Variants in MAP3K19 observed in about 807,000 individuals in gnomAD.
MAP3K19 encodes the protein mitogen-activated protein kinase kinase kinase 19.
MAP3K19 carries 91 observed loss-of-function variants against 114.4 expected under a neutral mutation model. The ratio of observed to expected loss-of-function variants is 0.80; its 90% CI spans 0.67 to 0.95. The LOEUF (loss-of-function observed/expected upper bound fraction) is 0.95. Ranked by LOEUF, MAP3K19 falls within the 40% of genes least tolerant of loss-of-function variation. The probability of loss-of-function intolerance (pLI) is 0.00; values close to 1 mark genes in which losing one functional copy is unlikely to be tolerated. For missense variants in MAP3K19, 1,471 were observed against 1,573.2 expected, an observed-to-expected ratio of 0.94 and a Z score of 1.10; for synonymous variants, 518 against 530.5, an observed-to-expected ratio of 0.98 and a Z score of 0.32.
chr2:134,991,097 C>G (rs533278359), intron 9 of MAP3K19, among the ~76,000 whole-genome samples: 1 of 151,712 alleles, frequency 6.6e-6, no homozygotes, highest in Non-Finnish European at 1.5e-5. Context: ...GTCAGGAGAT[C>G]GAGACCATCC....
intron 12 of MAP3K19, among the ~76,000 whole-genome samples, chr2:134,973,438 C>T (rs1055158370): frequency 1.3e-5 from 2 of 152,128 alleles, no homozygotes; most frequent in East Asian, 1.9e-4. Context: ...TATAGCTACT[C>T]ATGCTCTCTA....
intron 12 of MAP3K19, among the ~76,000 whole-genome samples, chr2:134,975,434 G>A (rs1295520039): frequency 6.6e-6 from 1 of 152,156 alleles, no homozygotes; most frequent in Admixed American, 6.5e-5. Flanking sequence ...CAGGCAATGT[G>A]CTCAGACACC....
At chr2:135,042,794 G>T (rs1688672144) in intron 1 of MAP3K19, among the ~76,000 whole-genome samples, 1 of 151,530 alleles carries the variant, frequency 6.6e-6, no homozygotes, top group Admixed American at 6.6e-5. Flanking sequence ...ACAAAAATTT[G>T]AATGTGGCTG....
intron 4 of MAP3K19, among the ~76,000 whole-genome samples, chr2:135,022,397 T>C (rs2105372823): frequency 6.6e-6 from 1 of 152,298 alleles, no homozygotes; most frequent in South Asian, 2.1e-4. Context: ...CTGTCTTCCA[T>C]GTTTCCTGAG....
chr2:135,014,717 C>T (rs989860145), intron 5 of MAP3K19, among the ~76,000 whole-genome samples: 3 of 152,184 alleles, frequency 2.0e-5, no homozygotes, highest in African/African-American at 4.8e-5. Context: ...CATGCAAGTG[C>T]TATTCTGAAT....
chr2:134,973,810 G>C (rs1406948607), intron 12 of MAP3K19, among the ~76,000 whole-genome samples: 3 of 152,122 alleles, frequency 2.0e-5, no homozygotes, highest in Non-Finnish European at 4.4e-5. Flanking sequence ...CATGATGATA[G>C]ATATGACCTT....
chr2:134,993,286 A>G (rs1685742397), intron 8 of MAP3K19, among the ~76,000 whole-genome samples: 1 of 152,314 alleles, frequency 6.6e-6, no homozygotes, highest in South Asian at 2.1e-4. Context: ...GACTTCTAAG[A>G]TTTAACACAG....
intron 1 of MAP3K19, among the ~76,000 whole-genome samples, chr2:135,045,048 A>C (rs1010895518): frequency 6.6e-6 from 1 of 152,190 alleles, no homozygotes; most frequent in Non-Finnish European, 1.5e-5. Context: ...CTCCACAAAC[A>C]ACACTGTGAT....
rs1388692570 is a variant in MAP3K19 at position 134,985,886 on chromosome 2, C to A, written c.2986G>T (p.Asp996Tyr). The change falls in exon 10 of 13, where the codon GAT (aspartate) becomes TAT (tyrosine). Residue 996 changes from aspartate to tyrosine, a missense_variant. Coordinates refer to ENST00000392915, the MANE Select transcript of MAP3K19 (RefSeq NM_025052.5). The stretch of plus-strand genomic sequence containing the variant: ...AGGACAAGATTTAGGTTTTCAGGAT[C>A]TGTTTCATTTGCCATTTTTTGGCAA... ...NSCQKMANET[D>Y]PENLNLVLRW... is the part of the protein sequence containing the mutation. 6.2e-7 allele frequency: 1 copy of A among 1,614,010 alleles called. No homozygotes were observed. Among genetic ancestry groups the A allele is most frequent in the Admixed American group, 1.7e-5 (1 of 60,012 alleles).
At chr2:135,029,827 T>C (rs954541707) in intron 3 of MAP3K19, among the ~76,000 whole-genome samples, 25 of 152,176 alleles carry the variant, frequency 1.6e-4, no homozygotes, top group Non-Finnish European at 1.3e-4. Flanking sequence ...AACACAAGGA[T>C]CAATACCCTG....
In MAP3K19 at chr2:135,018,946, G is replaced by A. The variant is rs145070603; in HGVS notation, c.138+2769C>T. Among the ~76,000 whole-genome samples, 39 of 152,186 alleles carry A rather than the reference G, an allele frequency of 2.6e-4. No individual in the cohort carries two copies. In the East Asian group the frequency reaches 6.0e-3, roughly 23 times the overall value. Reference sequence around the variant, plus strand: ...CTAAAAATACAAAAATTAGCCAGGCGTGGTGGTGGGCACCTTTAATCCCAG... The same window carrying A: ...CTAAAAATACAAAAATTAGCCAGGCATGGTGGTGGGCACCTTTAATCCCAG... On this transcript the variant is annotated intron_variant, in intron 5 of 12. Coordinates refer to ENST00000392915, the MANE Select transcript of MAP3K19 (RefSeq NM_025052.5).
chr2:135,043,563 C>T (rs1453232545), intron 1 of MAP3K19, among the ~76,000 whole-genome samples: 1 of 152,174 alleles, frequency 6.6e-6, no homozygotes, highest in Non-Finnish European at 1.5e-5. Context: ...ACAGCCTGCA[C>T]CAGAGTAGTA....
chr2:134,987,614 C>CT lies in MAP3K19; in HGVS notation c.1257dup (p.Val420SerfsTer5), dbSNP rs1685243012. On this transcript the variant is annotated frameshift_variant, in exon 10 of 13. Transcript: ENST00000392915. LOFTEE classifies it high-confidence loss of function. ...ATTGCTTCATTTTTATGTAATGAAA[C>CT]TCTTTTTGAAGCAGCTTTATTATTT... 4 of 1,613,922 alleles carry CT rather than the reference C, an allele frequency of 2.5e-6. No individual in the cohort carries two copies. The South Asian group carries it at 4.4e-5, about 18-fold the overall frequency.
At chr2:135,033,470 C>T (rs1313989348) in intron 2 of MAP3K19, among the ~76,000 whole-genome samples, 6 of 120,746 alleles carry the variant, frequency 5.0e-5, no homozygotes, top group Non-Finnish European at 8.1e-5. Context: ...CCCCACCCCC[C>T]GGACGGGGCG....
At chr2:135,004,331 T>C (rs1686659197) in intron 6 of MAP3K19, among the ~76,000 whole-genome samples, 1 of 152,220 alleles carries the variant, frequency 6.6e-6, no homozygotes, top group East Asian at 1.9e-4. Context: ...TCAGGCTTAA[T>C]GGTTTTCATA....
intron 1 of MAP3K19, among the ~76,000 whole-genome samples, chr2:135,043,526 C>A (rs72976373): frequency 0.044 from 6,758 of 152,222 alleles, 512 homozygotes; most frequent in African/African-American, 0.16. Flanking sequence ...ATTCCCTCTC[C>A]ACTGCCCCCT....
intron 8 of MAP3K19, among the ~76,000 whole-genome samples, chr2:134,996,496 A>G (rs1250062669): frequency 6.6e-6 from 1 of 152,116 alleles, no homozygotes; most frequent in Non-Finnish European, 1.5e-5. Flanking sequence ...GATTAGTGCT[A>G]TGTTGTAGGT....
At chr2:135,019,643 C>T (rs1344724463) in intron 5 of MAP3K19, among the ~76,000 whole-genome samples, 1 of 152,064 alleles carries the variant, frequency 6.6e-6, no homozygotes, top group Non-Finnish European at 1.5e-5. Context: ...CAGAATGAGA[C>T]CCAATCTCAA....
rs994201720 is a variant in MAP3K19 at position 134,971,843 on chromosome 2, AT to A, written c.3921-6928del. ...GTCTAGCTAGCAGTTTATTGATTTT[AT>A]TTTTTTTTTAACCAACTTCTCATTT... On this transcript the variant is annotated intron_variant, in intron 12 of 12. Coordinates refer to ENST00000392915, the MANE Select transcript of MAP3K19 (RefSeq NM_025052.5). Among the ~76,000 whole-genome samples, 321 of 121,370 alleles carry A rather than the reference AT, an allele frequency of 2.6e-3. 2 individuals are homozygous for A. The highest frequency in any genetic ancestry group is 9.0e-3 in the African/African-American group (294 of 32,564). 79.6% of individuals were successfully genotyped at this position (121,370 alleles called of 152,430 possible). A position where few individuals can be genotyped will look rare whatever the true frequency, so the allele number is the denominator to read the frequency against.
Sources: gnomAD v4.1 joint callset for allele counts (sites outside exome capture counted in the v4.1 genomes callset) on GRCh38, gnomAD v4.1.1 for gene constraint, MANE v1.5 for transcripts, NCBI Gene and HGNC (gene_info 2026-07-23, HGNC 2026-07-21) for gene names.